Variants in PPP3CA observed in about 807,000 individuals in gnomAD.
PPP3CA encodes the protein protein phosphatase 3 catalytic subunit alpha, also known as CAM-PRP catalytic subunit.
In PPP3CA, 14 loss-of-function variants were observed where a neutral mutation model predicts 66.5. That is an observed-to-expected ratio of 0.21 (90% CI 0.14 to 0.33). PPP3CA has a LOEUF of 0.33. PPP3CA is among the 10% of genes least tolerant of loss of function. PPP3CA has a pLI of 1.00. For synonymous variants in PPP3CA, 232 were observed against 226.2 expected, an observed-to-expected ratio of 1.03 and a Z score of -0.23; for missense variants, 317 against 639.5, an observed-to-expected ratio of 0.50 and a Z score of 5.44.
intron 10 of PPP3CA, among the ~76,000 whole-genome samples, chr4:101,051,446 GCT>G (rs1217440400): frequency 6.6e-6 from 1 of 152,112 alleles, no homozygotes; most frequent in Non-Finnish European, 1.5e-5. Context: ...ATCCATTAAT[GCT>G]TTAGTACAAA....
At chr4:101,226,144 G>C (rs1190750045) in intron 1 of PPP3CA, among the ~76,000 whole-genome samples, 3 of 151,652 alleles carry the variant, frequency 2.0e-5, no homozygotes, top group African/African-American at 7.3e-5. Flanking sequence ...GAACAGATCT[G>C]TGCTGAAACA....
intron 1 of PPP3CA, among the ~76,000 whole-genome samples, chr4:101,213,749 C>A (rs1395277745): frequency 1.3e-5 from 2 of 152,054 alleles, no homozygotes; most frequent in African/African-American, 4.8e-5. Context: ...AAAAATAACA[C>A]AGCTTGTGGG....
chr4:101,109,103 T>C, intron 2 of PPP3CA, 25 bp from the exon 3 acceptor site: 2 of 1,607,520 alleles, frequency 1.2e-6, no homozygotes, highest in Non-Finnish European at 1.7e-6. Context: ...ATTCATTTTA[T>C]GGTCATATTA....
At chr4:101,146,733 G>A (rs1362489122) in intron 2 of PPP3CA, among the ~76,000 whole-genome samples, 1 of 152,070 alleles carries the variant, frequency 6.6e-6, no homozygotes, top group Non-Finnish European at 1.5e-5. Context: ...GAGCCACCAC[G>A]CCTGGCCAAG....
At chr4:101,056,997 AC>A (rs1416238202) in intron 10 of PPP3CA, among the ~76,000 whole-genome samples, 1 of 152,168 alleles carries the variant, frequency 6.6e-6, no homozygotes, top group Non-Finnish European at 1.5e-5. Context: ...ATGTCATGTT[AC>A]ATTAAATGCT....
At chr4:101,274,139 T>C (rs933350610) in intron 1 of PPP3CA, among the ~76,000 whole-genome samples, 20 of 152,050 alleles carry the variant, frequency 1.3e-4, no homozygotes, top group Non-Finnish European at 2.4e-4. Flanking sequence ...ACCCCGTATC[T>C]ACAAAAATAC....
intron 1 of PPP3CA, among the ~76,000 whole-genome samples, chr4:101,232,379 T>TA (rs924068917): frequency 1.3e-5 from 2 of 151,710 alleles, no homozygotes; most frequent in African/African-American, 2.4e-5. Context: ...TGTCAGGAGT[T>TA]AAAGTATAAT....
At chr4:101,148,781 A>T (rs990453931) in intron 2 of PPP3CA, among the ~76,000 whole-genome samples, 3 of 152,278 alleles carry the variant, frequency 2.0e-5, no homozygotes, top group Non-Finnish European at 2.9e-5. Flanking sequence ...GTGAAAGATA[A>T]GAGTCAAAGG....
At chr4:101,156,837 A>G (rs1308910268) in intron 2 of PPP3CA, among the ~76,000 whole-genome samples, 1 of 152,238 alleles carries the variant, frequency 6.6e-6, no homozygotes, top group African/African-American at 2.4e-5. Context: ...ATCGATTTCT[A>G]AAACTGATGG....
chr4:101,026,669 A>G (rs571245197), intron 13 of PPP3CA, among the ~76,000 whole-genome samples: 47 of 152,262 alleles, frequency 3.1e-4, no homozygotes, highest in African/African-American at 1.1e-3. Flanking sequence ...AAAAGAAATT[A>G]TAAACTCCTG....
intron 2 of PPP3CA, among the ~76,000 whole-genome samples, chr4:101,149,226 T>C (rs1179536314): frequency 6.6e-6 from 1 of 152,100 alleles, no homozygotes; most frequent in Non-Finnish European, 1.5e-5. Flanking sequence ...TCACATGCAT[T>C]GCAACATTAG....
intron 2 of PPP3CA, among the ~76,000 whole-genome samples, chr4:101,128,464 C>T (rs1225169714): frequency 3.3e-5 from 5 of 151,588 alleles, no homozygotes; most frequent in African/African-American, 9.7e-5. Flanking sequence ...GCAAGATGGC[C>T]GAATAGGAAC....
At chr4:101,333,099 CTTTCTT>C (rs1287776474) in intron 1 of PPP3CA, among the ~76,000 whole-genome samples, 1 of 120,346 alleles carries the variant, frequency 8.3e-6, no homozygotes, top group African/African-American at 3.1e-5. Flanking sequence ...ATGCCATCTT[CTTTCTT>C]TTTTTTTTTT....
At chr4:101,121,272 G>A (rs1030941072) in intron 2 of PPP3CA, among the ~76,000 whole-genome samples, 2 of 151,986 alleles carry the variant, frequency 1.3e-5, no homozygotes, top group Non-Finnish European at 2.9e-5. Flanking sequence ...TTATTAAACT[G>A]CTTCTTATTG....
chr4:101,180,007 C>T (rs531434173), intron 2 of PPP3CA, among the ~76,000 whole-genome samples: 15 of 152,128 alleles, frequency 9.9e-5, no homozygotes, highest in Non-Finnish European at 2.1e-4. Flanking sequence ...ACTTGTAGTA[C>T]ATCATTCTGT....
intron 2 of PPP3CA, among the ~76,000 whole-genome samples, chr4:101,116,009 A>C (rs1189463824): frequency 6.6e-6 from 1 of 152,058 alleles, no homozygotes; most frequent in East Asian, 1.9e-4. Context: ...AAAACTGTTC[A>C]GCAAGACTGT....
At chr4:101,145,849 A>G (rs988023953) in intron 2 of PPP3CA, among the ~76,000 whole-genome samples, 4 of 152,210 alleles carry the variant, frequency 2.6e-5, no homozygotes, top group African/African-American at 9.6e-5. Flanking sequence ...GCTGTAAACT[A>G]TTTCTAAAAA....
chr4:101,221,286 T>C (rs1043526071), intron 1 of PPP3CA, among the ~76,000 whole-genome samples: 1 of 151,616 alleles, frequency 6.6e-6, no homozygotes, highest in Non-Finnish European at 1.5e-5. Context: ...CACATGGAAT[T>C]ATATGAAATA....
Position 101,346,938 on chromosome 4 carries a change from G to A in PPP3CA, c.-142C>T. ...CCGCTCGGCTGGAGGTCTAGGCTCTGAGCTGGCTTTAAAGTTGCTGCCTTT... is the reference window on the plus strand; with the variant it reads ...CCGCTCGGCTGGAGGTCTAGGCTCTAAGCTGGCTTTAAAGTTGCTGCCTTT... On this transcript the variant is annotated 5_prime_UTR_variant, in exon 1 of 14. Transcript: ENST00000394854. 9 of 971,948 alleles carry A rather than the reference G, an allele frequency of 9.3e-6. No homozygotes were observed. Among genetic ancestry groups the A allele is most frequent in the Non-Finnish European group, 1.4e-5 (9 of 646,052 alleles). The allele number at this position is 971,948 out of a possible 1,614,324, so 60.2% of individuals were successfully genotyped here. A position where few individuals can be genotyped will look rare whatever the true frequency, so the allele number is the denominator to read the frequency against.
Sources: allele counts gnomAD v4.1 joint callset (sites outside exome capture counted in the v4.1 genomes callset), GRCh38; gene constraint gnomAD v4.1.1; transcripts MANE v1.5; gene names NCBI Gene and HGNC (gene_info 2026-07-23, HGNC 2026-07-21).